The following SH3BGRL variants were observed in gnomAD, a reference collection of about 807,000 sequenced individuals.
SH3BGRL encodes the protein adapter SH3BGRL.
SH3BGRL carries 7 observed loss-of-function variants against 9.8 expected under a neutral mutation model. The ratio of observed to expected loss-of-function variants is 0.72; its 90% CI spans 0.41 to 1.35. The LOEUF (loss-of-function observed/expected upper bound fraction) is 1.35, where lower values mean the gene tolerates loss of function less well. Among genes scored for constraint, SH3BGRL ranks in the 40% most tolerant of loss-of-function variants. The probability of loss-of-function intolerance (pLI) is 0.01; values close to 1 mark genes in which losing one functional copy is unlikely to be tolerated. For synonymous variants in SH3BGRL, 36 were observed against 29.1 expected (o/e 1.24, Z -0.76); for missense variants, 73 against 84.4 (o/e 0.86, Z 0.53).
chrX:81,202,650 G>C, intron 1 of SH3BGRL: 1 of 606,067 alleles, frequency 1.6e-6, no homozygotes, highest in Non-Finnish European at 2.0e-6. Flanking sequence ...CTTCTGTAAA[G>C]GATGGGGGTA....
chrX:81,233,111 A>G (rs1051631460), intron 1 of SH3BGRL, among the ~76,000 whole-genome samples: 6 of 111,481 alleles, frequency 5.4e-5, no homozygotes, highest in African/African-American at 2.0e-4. Context: ...TGAAAGTGGA[A>G]ATCTTCTATA....
chrX:81,249,627 G>C (rs1277045887), intron 1 of SH3BGRL, among the ~76,000 whole-genome samples: 1 of 112,047 alleles, frequency 8.9e-6, no homozygotes, highest in African/African-American at 3.2e-5. Flanking sequence ...TTTTTATGTA[G>C]TATTTTTGTC....
intron 1 of SH3BGRL, among the ~76,000 whole-genome samples, chrX:81,247,183 T>C (rs1020849138): frequency 5.8e-4 from 65 of 112,242 alleles, no homozygotes; most frequent in African/African-American, 2.0e-3. Flanking sequence ...TGTACTGAAA[T>C]AGTTTATCAT....
At chrX:81,237,785 C>T (rs1244187997) in intron 1 of SH3BGRL, among the ~76,000 whole-genome samples, 1 of 107,368 alleles carries the variant, frequency 9.3e-6, no homozygotes, top group African/African-American at 3.4e-5. Flanking sequence ...GTCATCACCC[C>T]TCCTTTAACC....
chrX:81,280,226 T>C (rs1414116198), intron 3 of SH3BGRL, among the ~76,000 whole-genome samples: 1 of 109,759 alleles, frequency 9.1e-6, no homozygotes, highest in Non-Finnish European at 1.9e-5. Context: ...CCCCACCTGA[T>C]GGTCCTTCCC....
At chrX:81,269,866 G>C (rs1231040084) in intron 1 of SH3BGRL, among the ~76,000 whole-genome samples, 1 of 111,556 alleles carries the variant, frequency 9.0e-6, no homozygotes, top group East Asian at 2.8e-4. Context: ...ATCAGACGTA[G>C]ATTTGGTCTT....
At chrX:81,262,735 T>C (rs1209802829) in intron 1 of SH3BGRL, among the ~76,000 whole-genome samples, 1 of 112,256 alleles carries the variant, frequency 8.9e-6, no homozygotes, top group Non-Finnish European at 1.9e-5. Flanking sequence ...GGGTGAGTGA[T>C]ATATGGAGAC....
intron 1 of SH3BGRL, among the ~76,000 whole-genome samples, chrX:81,229,497 T>A (rs1294318620): frequency 9.0e-6 from 1 of 110,890 alleles, no homozygotes; most frequent in South Asian, 3.9e-4. Context: ...ATTGCAAGGT[T>A]TTATTGAGGG....
At chrX:81,225,194 C>A (rs1222179996) in intron 1 of SH3BGRL, among the ~76,000 whole-genome samples, 2 of 110,621 alleles carry the variant, frequency 1.8e-5, no homozygotes, top group Non-Finnish European at 3.8e-5. Flanking sequence ...TTAATTTTTT[C>A]TTTCAACAAA....
chrX:81,281,624 G>T lies in SH3BGRL; in HGVS notation c.312+3213G>T, dbSNP rs182650828. Among the ~76,000 whole-genome samples, 3 of 112,192 alleles carry T rather than the reference G, an allele frequency of 2.7e-5. No homozygotes were observed. The Admixed American group carries it at 2.8e-4, about 11-fold the overall frequency. On this transcript the variant is annotated intron_variant, in intron 3 of 3. Transcript: ENST00000373212. ...CTTTTCAGACAAACAAATGCTGAGA[G>T]AATTCGCCATTATCAAGCCACCACT...
chrX:81,213,957 A>G (rs1353706453), intron 1 of SH3BGRL, among the ~76,000 whole-genome samples: 2 of 111,638 alleles, frequency 1.8e-5, no homozygotes, highest in Non-Finnish European at 3.8e-5. Flanking sequence ...AAACTATGGA[A>G]AAGAATGAAC....
chrX:81,270,677 G>A (rs371101820), intron 1 of SH3BGRL, among the ~76,000 whole-genome samples: 151 of 112,007 alleles, frequency 1.3e-3, no homozygotes, highest in African/African-American at 4.7e-3. Flanking sequence ...CAGGCTACAC[G>A]GGGGTCAGGG....
intron 1 of SH3BGRL, among the ~76,000 whole-genome samples, chrX:81,237,643 AC>A (rs1183871949): frequency 9.1e-6 from 1 of 110,458 alleles, no homozygotes; most frequent in Non-Finnish European, 1.9e-5. Context: ...CTTTAAGTAA[AC>A]TTGAAAGGCA....
intron 3 of SH3BGRL, among the ~76,000 whole-genome samples, chrX:81,287,797 A>T (rs1442747704): frequency 9.0e-6 from 1 of 111,105 alleles, no homozygotes; most frequent in Non-Finnish European, 1.9e-5. Flanking sequence ...AACTTAAAGT[A>T]TAATAATAAA....
intron 3 of SH3BGRL, among the ~76,000 whole-genome samples, chrX:81,289,068 A>G (rs2075847483): frequency 1.8e-5 from 2 of 112,200 alleles, no homozygotes; most frequent in Non-Finnish European, 3.8e-5. Flanking sequence ...GTATTGGCAT[A>G]AAAACAAACA....
rs1235789547 is a variant in SH3BGRL at position 81,276,932 on chromosome X, A to G, written c.46-52A>G. 3.7e-6 allele frequency: 4 copies of G among 1,071,984 alleles called. No homozygotes were observed. In the African/African-American group the frequency reaches 7.5e-5, roughly 20 times the overall value. 88.3% of individuals were successfully genotyped at this position (1,071,984 alleles called of 1,213,427 possible). On this transcript the variant is annotated intron_variant, in intron 1 of 3. Transcript: ENST00000373212. ...AATTCATTTCTGCCAGCTCACAAACATTTGACTTTTGTTGAATTTGGAAAA... is the reference window on the plus strand; with the variant it reads ...AATTCATTTCTGCCAGCTCACAAACGTTTGACTTTTGTTGAATTTGGAAAA...
chrX:81,248,662 C>G (rs916451578), intron 1 of SH3BGRL, among the ~76,000 whole-genome samples: 2 of 112,412 alleles, frequency 1.8e-5, no homozygotes, highest in Admixed American at 1.9e-4. Flanking sequence ...CACCAGGTTG[C>G]CAAAACATGA....
chrX:81,284,592 C>G (rs2075828596), intron 3 of SH3BGRL, among the ~76,000 whole-genome samples: 1 of 110,103 alleles, frequency 9.1e-6, no homozygotes, highest in Non-Finnish European at 1.9e-5. Context: ...ATGTGGTGTT[C>G]TGAGAGTGGA....
intron 3 of SH3BGRL, among the ~76,000 whole-genome samples, chrX:81,283,280 A>G (rs1417162982): frequency 1.8e-5 from 2 of 111,749 alleles, no homozygotes; most frequent in Non-Finnish European, 3.8e-5. Context: ...TCTATTCCAC[A>G]AGATAATGAA....
Sources: allele counts gnomAD v4.1 joint callset (sites outside exome capture counted in the v4.1 genomes callset), GRCh38; gene constraint gnomAD v4.1.1; transcripts MANE v1.5; gene names NCBI Gene and HGNC (gene_info 2026-07-23, HGNC 2026-07-21).